The following FRYL variants were observed in gnomAD, a reference collection of about 807,000 sequenced individuals.
FRYL encodes protein furry homolog-like.
FRYL carries 150 observed loss-of-function variants against 351.2 expected under a neutral mutation model. The observed-to-expected ratio is 0.43, with a 90% confidence interval of 0.37 to 0.49. FRYL has a LOEUF of 0.49. FRYL is among the 20% of genes least tolerant of loss of function. The pLI, the probability that FRYL is intolerant of heterozygous loss-of-function variation, is 0.00. For missense variants in FRYL, 3,036 were observed against 3,619.3 expected, an observed-to-expected ratio of 0.84 and a Z score of 4.13; for synonymous variants, 1,153 against 1,257.1, an observed-to-expected ratio of 0.92 and a Z score of 1.75.
chr4:48,625,812 AAT>A (rs1259290703), intron 4 of FRYL, among the ~76,000 whole-genome samples: 2 of 152,200 alleles, frequency 1.3e-5, no homozygotes, highest in Admixed American at 1.3e-4. Flanking sequence ...AAATGTTCTC[AAT>A]ATATGAGTTA....
chr4:48,580,930 C>T lies in FRYL; in HGVS notation c.2194G>A (p.Asp732Asn). 6.2e-7 allele frequency: 1 copy of T among 1,600,336 alleles called. No individual in the cohort carries two copies. The highest frequency in any genetic ancestry group is 8.5e-7 in the Non-Finnish European group (1 of 1,175,816). The change falls in exon 22 of 64, where the codon GAT becomes AAT. Residue 732 changes from aspartate to asparagine, a missense_variant. By Grantham distance (23) the Asp-to-Asn change is conservative. Around this residue, in one of 7 missense-constraint regions of FRYL, gnomAD observed 492 missense variants for 551.5 expected, o/e 0.89. Transcript: ENST00000358350. Reference sequence around the variant, plus strand: ...GATGGGCTTAGCCTGTCCATCACATCTATGGCTAATTCATCATCACCCTGT... The same window carrying T: ...GATGGGCTTAGCCTGTCCATCACATTTATGGCTAATTCATCATCACCCTGT... ...IPKGDDELAI[D>N]VMDRLSPSIL...
intron 26 of FRYL, chr4:48,571,909 G>T: frequency 1.0e-6 from 1 of 984,896 alleles, no homozygotes; most frequent in Non-Finnish European, 1.2e-6. Flanking sequence ...AAATTCAGAA[G>T]AATAAATACT....
chr4:48,714,915 T>C (rs1431220587), intron 1 of FRYL, among the ~76,000 whole-genome samples: 1 of 149,138 alleles, frequency 6.7e-6, no homozygotes, highest in Non-Finnish European at 1.5e-5. Flanking sequence ...ATCAAAAAGC[T>C]TATCCACCAT....
intron 15 of FRYL, among the ~76,000 whole-genome samples, chr4:48,595,120 G>A (rs537130913): frequency 1.3e-5 from 2 of 152,342 alleles, no homozygotes; most frequent in East Asian, 3.9e-4. Context: ...CACATGTGGT[G>A]ACTTCCTTGT....
In FRYL at chr4:48,500,155, G is replaced by T. The variant is rs375724636; in HGVS notation, c.8658C>A (p.Ser2886=). 6.2e-7 allele frequency: 1 copy of T among 1,606,362 alleles called. No homozygotes were observed. Among genetic ancestry groups the T allele is most frequent in the East Asian group, 2.2e-5 (1 of 44,650 alleles). The change falls in exon 63 of 64, where the codon TCC becomes TCA. Residue 2886 remains serine, a synonymous_variant. Coordinates refer to ENST00000358350, the MANE Select transcript of FRYL (RefSeq NM_015030.2). ...TGGAAATGTCAATTTCTTCGTTTTCGGAAGCGGACTCAGCTTCTTTGAGGA... is the reference window on the plus strand; with the variant it reads ...TGGAAATGTCAATTTCTTCGTTTTCTGAAGCGGACTCAGCTTCTTTGAGGA... ...ESILKEAESA[S]ENEEIDISKA... is the part of the protein sequence containing the mutation.
chr4:48,744,853 T>C (rs1337547990), intron 1 of FRYL, among the ~76,000 whole-genome samples: 1 of 152,164 alleles, frequency 6.6e-6, no homozygotes, highest in Non-Finnish European at 1.5e-5. Context: ...ACCCATAATA[T>C]AGTGTGAACT....
At chr4:48,538,776 C>T (rs770385902) in intron 47 of FRYL, among the ~76,000 whole-genome samples, 2 of 151,754 alleles carry the variant, frequency 1.3e-5, no homozygotes, top group African/African-American at 2.4e-5. Flanking sequence ...GCTATTCACT[C>T]ACCTCCCCCA....
rs139804906 is a variant in FRYL, at chr4:48,499,139, G to A, written c.*283C>T. 2.8e-5 allele frequency: 9 copies of A among 318,382 alleles called. No individual in the cohort carries two copies. The highest frequency in any genetic ancestry group is 4.7e-5 in the Non-Finnish European group (8 of 169,946). 19.7% of individuals were successfully genotyped at this position (318,382 alleles called of 1,614,324 possible). On this transcript the variant is annotated 3_prime_UTR_variant, in exon 64 of 64. Coordinates refer to ENST00000358350, the MANE Select transcript of FRYL (RefSeq NM_015030.2). ...TTCTTTTCTTTCCCCAGAAAGTAAT[G>A]TATTTGTAGGCATCACTTTTAGCCC...
At chr4:48,500,655 T>A (rs1719363849) in intron 62 of FRYL, among the ~76,000 whole-genome samples, 1 of 152,184 alleles carries the variant, frequency 6.6e-6, no homozygotes, top group African/African-American at 2.4e-5. Flanking sequence ...TTAAATCATT[T>A]CCCCAGTGAT....
intron 2 of FRYL, among the ~76,000 whole-genome samples, chr4:48,689,523 T>G (rs1267915757): frequency 2.6e-5 from 4 of 152,192 alleles, no homozygotes; most frequent in Admixed American, 2.6e-4. Flanking sequence ...ATTTACTACA[T>G]ACACTCCTAA....
At chr4:48,605,286 C>T (rs1746540339) in intron 11 of FRYL, among the ~76,000 whole-genome samples, 1 of 152,180 alleles carries the variant, frequency 6.6e-6, no homozygotes, top group Non-Finnish European at 1.5e-5. Flanking sequence ...TCTCTGTTCA[C>T]CTTTTCAAAA....
At chr4:48,613,954 CA>C (rs35519906) in intron 7 of FRYL, among the ~76,000 whole-genome samples, 108 of 115,026 alleles carry the variant, frequency 9.4e-4, no homozygotes, top group East Asian at 1.5e-3. Context: ...TGACTCCAAC[CA>C]AAAAAAAAAA....
chr4:48,711,234 C>A (rs1767968440), intron 1 of FRYL, among the ~76,000 whole-genome samples: 1 of 152,340 alleles, frequency 6.6e-6, no homozygotes, highest in East Asian at 1.9e-4. Context: ...GTGCAGCGCA[C>A]CGTGCGCGAG....
intron 50 of FRYL, 62 bp from the exon 51 acceptor site, chr4:48,528,398 G>T: frequency 7.5e-7 from 1 of 1,327,476 alleles, no homozygotes; most frequent in South Asian, 1.5e-5. Flanking sequence ...AAACTTAAAA[G>T]GGTTAACAGT....
chr4:48,578,703 C>T (rs1413164470), intron 23 of FRYL, among the ~76,000 whole-genome samples: 1 of 152,142 alleles, frequency 6.6e-6, no homozygotes, highest in Non-Finnish European at 1.5e-5. Flanking sequence ...TCCCTTAACA[C>T]AGATTCGATG....
intron 7 of FRYL, among the ~76,000 whole-genome samples, chr4:48,616,555 A>T (rs1196612740): frequency 4.6e-5 from 7 of 152,208 alleles, no homozygotes; most frequent in African/African-American, 1.7e-4. Context: ...GCATATTAAT[A>T]GTACTTGCCA....
At position 48,557,124 on chromosome 4, in the gene FRYL, T is replaced by A. The variant is rs769868187; in HGVS notation, c.4126-6A>T. Reference sequence around the variant, plus strand: ...CAGGCCAGTTCATCGCCATACTAGATGCAATATGCACAAAAGATACTTCAG... The same window carrying A: ...CAGGCCAGTTCATCGCCATACTAGAAGCAATATGCACAAAAGATACTTCAG... On this transcript the variant is annotated splice_polypyrimidine_tract_variant and splice_region_variant and intron_variant, in intron 34 of 63. Coordinates refer to ENST00000358350, the MANE Select transcript of FRYL (RefSeq NM_015030.2). The A allele has an allele frequency of 6.3e-7, 1 of 1,575,722 alleles. No homozygotes were observed. The highest frequency in any genetic ancestry group is 8.7e-7 in the Non-Finnish European group (1 of 1,155,198).
chr4:48,779,748 G>A (rs1387444365), intron 1 of FRYL, among the ~76,000 whole-genome samples: 3 of 151,942 alleles, frequency 2.0e-5, no homozygotes, highest in African/African-American at 7.2e-5. Flanking sequence ...CGCGCGAGAA[G>A]AGCCAGGCAC....
chr4:48,649,854 C>T (rs1346387730), intron 3 of FRYL, among the ~76,000 whole-genome samples: 5 of 152,132 alleles, frequency 3.3e-5, no homozygotes, highest in Non-Finnish European at 5.9e-5. Context: ...TAGCATTTAA[C>T]ATTAATACAA....
Sources: allele counts gnomAD v4.1 joint callset (sites outside exome capture counted in the v4.1 genomes callset), GRCh38; gene constraint gnomAD v4.1.1; regional missense constraint gnomAD v4.1.1; transcripts MANE v1.5; gene names NCBI Gene and HGNC (gene_info 2026-07-23, HGNC 2026-07-21).